The following AK8 variants were observed in gnomAD, a reference collection of about 807,000 sequenced individuals.
AK8 encodes the protein ATP-AMP transphosphorylase 8.
Under a neutral mutation model 54.6 loss-of-function variants are expected in AK8, and 44 were observed. The observed-to-expected ratio is 0.81, with a 90% CI of 0.63 to 1.04. AK8 has a LOEUF of 1.04. Among genes scored for constraint, AK8 ranks in the 50% least tolerant of loss-of-function variants. AK8 has a pLI of 0.00. For missense variants in AK8, 555 were observed against 613.6 expected, an observed-to-expected ratio of 0.90 and a Z score of 1.01; for synonymous variants, 239 against 245.6, an observed-to-expected ratio of 0.97 and a Z score of 0.25.
chr9:132,780,425 A>G (rs542385639), intron 11 of AK8, among the ~76,000 whole-genome samples: 9 of 152,038 alleles, frequency 5.9e-5, no homozygotes, highest in Non-Finnish European at 1.2e-4. Context: ...GGCTTTCTGG[A>G]GGAAATGTCT....
Position 132,787,148 on chromosome 9 carries a change from G to A in AK8, c.1121+5486C>T, listed in dbSNP as rs112549795. ...AAAGATATTTTTACAACATTTAGAA[G>A]CCCAGTCCTGAAGATCCAATACCCA... On this transcript the variant is annotated intron_variant, in intron 11 of 12. Coordinates refer to ENST00000298545, the MANE Select transcript of AK8 (RefSeq NM_152572.3). 1.0e-2 allele frequency among the ~76,000 whole-genome samples: 1,515 copies of A among 152,114 alleles called. 11 individuals carry two copies. Among genetic ancestry groups the A allele is most frequent in the Non-Finnish European group, 0.016 (1,093 of 67,976 alleles).
chr9:132,831,474 A>G (rs974133609), intron 5 of AK8, among the ~76,000 whole-genome samples: 2 of 152,190 alleles, frequency 1.3e-5, no homozygotes, highest in Admixed American at 6.5e-5. Flanking sequence ...TTTAGACTTG[A>G]TGTCCAGGTA....
chr9:132,751,539 CAA>C (rs879903382), intron 11 of AK8, among the ~76,000 whole-genome samples: 1,707 of 96,676 alleles, frequency 0.018, 43 homozygotes, highest in African/African-American at 0.059. Context: ...AGTGAGACTC[CAA>C]AAAAAAAAAA....
At chr9:132,867,883 A>T (rs976579965) in intron 2 of AK8, among the ~76,000 whole-genome samples, 6 of 152,194 alleles carry the variant, frequency 3.9e-5, no homozygotes, top group Non-Finnish European at 8.8e-5. Flanking sequence ...ACAGAGCTAG[A>T]GTGGCTGCTG....
At position 132,790,570 on chromosome 9, in the gene AK8, A is replaced by T. The variant is rs1839905232; in HGVS notation, c.1121+2064T>A. Among the ~76,000 whole-genome samples the T allele has an allele frequency of 6.6e-6, 1 of 152,130 alleles. No individual in the cohort carries two copies. The highest frequency in any genetic ancestry group is 1.5e-5 in the Non-Finnish European group (1 of 68,018). ...CGGCCAACTTCTTTAACTTCATACA[A>T]ATTGTATGCACTTCAAACCAAAAGC... On this transcript the variant is annotated intron_variant, in intron 11 of 12. Coordinates refer to ENST00000298545, the MANE Select transcript of AK8 (RefSeq NM_152572.3). This position sits in a 1 kb window ranked among gnomAD's most constrained non-coding sequence, Gnocchi z 4.1.
intron 11 of AK8, among the ~76,000 whole-genome samples, chr9:132,737,148 AACACAC>A (rs887935004): frequency 3.3e-5 from 5 of 151,340 alleles, no homozygotes; most frequent in Non-Finnish European, 7.4e-5. Context: ...ATATATATTT[AACACAC>A]ACACACACAC....
chr9:132,812,547 G>GGTGAGCCGCCGCGCCCACTGGGATGACGA (rs1841098269), intron 10 of AK8, among the ~76,000 whole-genome samples: 5 of 151,840 alleles, frequency 3.3e-5, no homozygotes, highest in South Asian at 4.1e-4. Flanking sequence ...TGGGATGACG[G>GGTGAGCCGCCGCGCCCACTGGGATGACGA]GTGAGCCGCC....
chr9:132,764,857 T>C (rs1024619956), intron 11 of AK8, among the ~76,000 whole-genome samples: 9 of 151,802 alleles, frequency 5.9e-5, no homozygotes, highest in African/African-American at 1.9e-4. Flanking sequence ...AAATGCATTC[T>C]ATGAGGCCAG....
At chr9:132,795,855 G>A (rs1010132361) in intron 10 of AK8, among the ~76,000 whole-genome samples, 2 of 152,222 alleles carry the variant, frequency 1.3e-5, no homozygotes, top group African/African-American at 2.4e-5. Context: ...TAAGGAGGCC[G>A]CATTTGGCTG....
At chr9:132,725,965 C>T in intron 12 of AK8, 40 bp from the exon 13 acceptor site, 2 of 1,589,074 alleles carry the variant, frequency 1.3e-6, no homozygotes, top group Non-Finnish European at 1.7e-6. Flanking sequence ...CATGGCCTGG[C>T]CTGGAAGCAG....
intron 3 of AK8, among the ~76,000 whole-genome samples, chr9:132,865,322 A>C (rs748283172): frequency 1.8e-4 from 28 of 152,230 alleles, no homozygotes; most frequent in Admixed American, 2.6e-4. Context: ...TTGTGCAAGG[A>C]TCAGTCATTT....
In AK8 at chr9:132,725,914, A is replaced by C; in HGVS notation, c.1214T>G (p.Met405Arg). The C allele has an allele frequency of 6.2e-7, 1 of 1,611,402 alleles. No individual in the cohort carries two copies. Among genetic ancestry groups the C allele is most frequent in the Non-Finnish European group, 8.5e-7 (1 of 1,179,524 alleles). The change falls in exon 13 of 13, where the codon ATG becomes AGG. Residue 405 changes from methionine to arginine, a missense_variant. Transcript: ENST00000298545. ...DPVTGERYHLMYKPPPTMEIQ... is the reference protein window; with the variant it reads ...DPVTGERYHLRYKPPPTMEIQ... ...CTCCATGGTGGGAGGTGGCTTGTAC[A>C]TGAGGTGGTACCTGCAAGGGAGGAA... is the stretch of plus-strand genomic sequence containing the variant.
intron 5 of AK8, among the ~76,000 whole-genome samples, chr9:132,840,879 T>A (rs1842515687): frequency 6.6e-6 from 1 of 152,068 alleles, no homozygotes; most frequent in African/African-American, 2.4e-5. Context: ...ATGATGTTGC[T>A]GGTAGATCAT....
intron 11 of AK8, among the ~76,000 whole-genome samples, chr9:132,783,823 C>T (rs533390955): frequency 1.3e-5 from 2 of 152,006 alleles, no homozygotes; most frequent in African/African-American, 4.8e-5. Flanking sequence ...AACAAAAAAA[C>T]AAATGAAAAA....
intron 7 of AK8, 113 bp downstream of exon 7, chr9:132,827,900 G>T: frequency 1.9e-6 from 2 of 1,044,820 alleles, no homozygotes; most frequent in Non-Finnish European, 2.8e-6. Context: ...CCTTCCTCGT[G>T]TCCCTCTGTG....
At chr9:132,834,954 TCTC>T (rs1191741467) in intron 5 of AK8, among the ~76,000 whole-genome samples, 1 of 151,548 alleles carries the variant, frequency 6.6e-6, no homozygotes, top group East Asian at 1.9e-4. Context: ...ACTGCGACCT[TCTC>T]CTCCCGGGTT....
intron 2 of AK8, among the ~76,000 whole-genome samples, chr9:132,869,955 T>G (rs1350567603): frequency 1.3e-5 from 2 of 152,184 alleles, no homozygotes; most frequent in Non-Finnish European, 2.9e-5. Flanking sequence ...CATCGCCTGC[T>G]GCCTCTCCAG....
At chr9:132,774,717 C>T (rs960033812) in intron 11 of AK8, among the ~76,000 whole-genome samples, 1 of 152,146 alleles carries the variant, frequency 6.6e-6, no homozygotes, top group African/African-American at 2.4e-5. Context: ...CATCAGAGCT[C>T]GATTCAAATG....
chr9:132,751,471 C>A (rs960445218), intron 11 of AK8, among the ~76,000 whole-genome samples: 1 of 148,374 alleles, frequency 6.7e-6, no homozygotes, highest in Non-Finnish European at 1.5e-5. Flanking sequence ...AAGCCTGCAA[C>A]ATCCTGGTGG....
Sources: allele counts gnomAD v4.1 joint callset (sites outside exome capture counted in the v4.1 genomes callset), GRCh38; gene constraint gnomAD v4.1.1; non-coding constraint Gnocchi (gnomAD v3.1); transcripts MANE v1.5; gene names NCBI Gene and HGNC (gene_info 2026-07-23, HGNC 2026-07-21).